AFF3: variants seen among roughly 807,000 people sequenced by gnomAD.
The protein encoded by AFF3 is ALF transcription elongation factor 3.
A neutral mutation model predicts 129.7 loss-of-function variants in AFF3; 32 were observed. That is an observed-to-expected ratio of 0.25 (90% confidence interval 0.19 to 0.33). AFF3 has a LOEUF of 0.33. AFF3 is among the 10% of genes least tolerant of loss of function. The pLI, the probability that AFF3 is intolerant of heterozygous loss-of-function variation, is 1.00. For synonymous variants in AFF3, 644 were observed against 635.4 expected, an observed-to-expected ratio of 1.01 and a Z score of -0.20; for missense variants, 1,373 against 1,592.0, an observed-to-expected ratio of 0.86 and a Z score of 2.34.
In AFF3 at chr2:99,718,863, G is replaced by A. The variant is rs563944211; in HGVS notation, c.1091+8214C>T. 1.5e-3 allele frequency among the ~76,000 whole-genome samples: 233 copies of A among 151,322 alleles called. 1 individual carries two copies. Among genetic ancestry groups the A allele is most frequent in the African/African-American group, 5.5e-3 (227 of 41,168 alleles). ...CCTCCCGGGTTCATGCCATTCTCCTGCCTCAGCCTCCCGAGTAGCTGGGAC... is the reference window on the plus strand; with the variant it reads ...CCTCCCGGGTTCATGCCATTCTCCTACCTCAGCCTCCCGAGTAGCTGGGAC... On this transcript the variant is annotated intron_variant, in intron 11 of 24. Transcript: ENST00000672756.
chr2:99,738,041 A>G (rs1680400176), intron 10 of AFF3, among the ~76,000 whole-genome samples: 1 of 151,888 alleles, frequency 6.6e-6, no homozygotes, highest in Admixed American at 6.6e-5. Flanking sequence ...CCTCTCTTTT[A>G]TTTCCAGAAA....
At chr2:99,874,171 C>T (rs1000019064) in intron 7 of AFF3, among the ~76,000 whole-genome samples, 2 of 151,930 alleles carry the variant, frequency 1.3e-5, no homozygotes, top group Admixed American at 6.6e-5. Context: ...AGCTAGACTC[C>T]GTCTCAAAAA....
intron 7 of AFF3, among the ~76,000 whole-genome samples, chr2:99,895,085 G>A (rs974673360): frequency 6.6e-6 from 1 of 152,160 alleles, no homozygotes; most frequent in African/African-American, 2.4e-5. Context: ...ATTACACCAC[G>A]ATTTACTGAA....
intron 13 of AFF3, among the ~76,000 whole-genome samples, chr2:99,636,743 C>T (rs1683696614): frequency 6.6e-6 from 1 of 152,134 alleles, no homozygotes; most frequent in Non-Finnish European, 1.5e-5. Context: ...AGCCGGGAGC[C>T]AGCACAGGAA....
intron 2 of AFF3, chr2:100,106,095 C>A (rs951064003): frequency 4.9e-5 from 63 of 1,286,566 alleles, no homozygotes; most frequent in Non-Finnish European, 6.0e-5. Context: ...ACCAAAAGGC[C>A]AATGAGACTT....
At chr2:99,775,004 T>C (rs1411145867) in intron 8 of AFF3, among the ~76,000 whole-genome samples, 3 of 152,174 alleles carry the variant, frequency 2.0e-5, no homozygotes, top group Admixed American at 6.5e-5. Flanking sequence ...TCAACATCAT[T>C]GATCATTAGA....
chr2:99,741,295 G>T (rs943261220), intron 10 of AFF3, among the ~76,000 whole-genome samples: 1 of 152,110 alleles, frequency 6.6e-6, no homozygotes, highest in African/African-American at 2.4e-5. Context: ...GTTTGCAGAT[G>T]ACATGATTGT....
chr2:100,092,430 A>G (rs866995588), intron 4 of AFF3, among the ~76,000 whole-genome samples: 39 of 152,140 alleles, frequency 2.6e-4, no homozygotes, highest in African/African-American at 9.2e-4. Context: ...CACAACCACC[A>G]GACTCATCCA....
intron 4 of AFF3, among the ~76,000 whole-genome samples, chr2:100,054,372 GCCCT>G (rs1686599366): frequency 6.6e-6 from 1 of 152,198 alleles, no homozygotes; most frequent in African/African-American, 2.4e-5. Context: ...AAAGCAGGTT[GCCCT>G]CCCTAACATG....
intron 2 of AFF3, chr2:100,106,007 C>G: frequency 7.6e-7 from 1 of 1,322,784 alleles, no homozygotes; most frequent in Non-Finnish European, 1.0e-6. Context: ...CCTCCAGCGT[C>G]AAGCCGAAGA....
chr2:99,826,168 C>A (rs1049323204), intron 8 of AFF3, among the ~76,000 whole-genome samples: 2 of 152,102 alleles, frequency 1.3e-5, no homozygotes, highest in African/African-American at 4.8e-5. Flanking sequence ...TCCCCCGCCA[C>A]CATGCCCAGC....
chr2:100,057,586 C>T (rs764219421), intron 4 of AFF3, among the ~76,000 whole-genome samples: 1 of 152,204 alleles, frequency 6.6e-6, no homozygotes, highest in Non-Finnish European at 1.5e-5. Flanking sequence ...TCCACAGCAA[C>T]ATGGTATCTG....
chr2:99,616,666 G>T (rs1319650879), intron 13 of AFF3, among the ~76,000 whole-genome samples: 1 of 152,218 alleles, frequency 6.6e-6, no homozygotes, highest in East Asian at 1.9e-4. Flanking sequence ...TGAGACAGGA[G>T]AATCGCTTGA....
chr2:100,140,953 T>G (rs1325811247), intron 1 of AFF3, among the ~76,000 whole-genome samples: 2 of 151,724 alleles, frequency 1.3e-5, no homozygotes, highest in African/African-American at 4.9e-5. Flanking sequence ...CCTTCAAGTT[T>G]GATGGCTTAA....
chr2:100,014,783 CTTTTTTT>C (rs60456923), intron 4 of AFF3, among the ~76,000 whole-genome samples: 2 of 120,416 alleles, frequency 1.7e-5, no homozygotes, highest in Admixed American at 1.6e-4. Context: ...ACCTTGCTTC[CTTTTTTT>C]TTTTTTTTTT....
At chr2:99,670,384 GTT>G (rs1014723360) in intron 12 of AFF3, among the ~76,000 whole-genome samples, 1 of 100,080 alleles carries the variant, frequency 1.0e-5, no homozygotes, top group African/African-American at 4.9e-5. Flanking sequence ...GTCAGAAAAG[GTT>G]AAGGATTTTT....
At chr2:100,136,430 G>A (rs1347491949) in intron 1 of AFF3, among the ~76,000 whole-genome samples, 1 of 152,210 alleles carries the variant, frequency 6.6e-6, no homozygotes, top group African/African-American at 2.4e-5. Flanking sequence ...TTTCCAGAAG[G>A]AAGAAGTGAA....
At chr2:100,040,153 C>A (rs1009783365) in intron 4 of AFF3, among the ~76,000 whole-genome samples, 1 of 152,142 alleles carries the variant, frequency 6.6e-6, no homozygotes, top group African/African-American at 2.4e-5. Context: ...CGACCCTCCA[C>A]GCTCTTGTCA....
rs573612263 is a variant in AFF3, at chr2:99,589,037, G to A, written c.2467-1759C>T. ...CAGAATATTACGGAATTTTATGTAA[G>A]TCTTTCTGCACATCTCTCTAGTAAA... On this transcript the variant is annotated intron_variant, in intron 15 of 24. Coordinates refer to ENST00000672756, the MANE Select transcript of AFF3 (RefSeq NM_001386135.1). Among the ~76,000 whole-genome samples, 301 of 152,298 alleles carry A rather than the reference G, an allele frequency of 2.0e-3. 1 individual carries two copies. The highest frequency in any genetic ancestry group is 3.7e-3 in the Non-Finnish European group (249 of 68,020).
Sources: gnomAD v4.1 joint callset for allele counts (sites outside exome capture counted in the v4.1 genomes callset) on GRCh38, gnomAD v4.1.1 for gene constraint, MANE v1.5 for transcripts, NCBI Gene and HGNC (gene_info 2026-07-23, HGNC 2026-07-21) for gene names.